EPB41L4A: variants seen among roughly 807,000 people sequenced by gnomAD.
EPB41L4A encodes the protein erythrocyte membrane protein band 4.1 like 4A.
In EPB41L4A, 100 loss-of-function variants were observed where a neutral mutation model predicts 108.6. That is an observed-to-expected ratio of 0.92 (90% CI 0.78 to 1.09). EPB41L4A has a LOEUF of 1.09. EPB41L4A is among the 50% of genes least tolerant of loss of function. The pLI, the probability that EPB41L4A is intolerant of heterozygous loss-of-function variation, is 0.00. For synonymous variants in EPB41L4A, 319 were observed against 289.0 expected (o/e 1.10, Z -1.05); for missense variants, 1,030 against 842.7 (o/e 1.22, Z -2.75).
At chr5:112,178,907 A>C (rs575848308) in intron 18 of EPB41L4A, among the ~76,000 whole-genome samples, 47 of 152,036 alleles carry the variant, frequency 3.1e-4, no homozygotes, top group African/African-American at 1.1e-3. Flanking sequence ...CAGTCAATGA[A>C]ACAGACAACA....
chr5:112,418,050 G>C (rs896207718), intron 1 of EPB41L4A, among the ~76,000 whole-genome samples: 1 of 149,672 alleles, frequency 6.7e-6, no homozygotes, highest in Non-Finnish European at 1.5e-5. Flanking sequence ...GAGCGGGGGC[G>C]GGGGGGCGGT....
intron 4 of EPB41L4A, among the ~76,000 whole-genome samples, chr5:112,267,403 T>A (rs1271733895): frequency 6.6e-6 from 1 of 152,258 alleles, no homozygotes; most frequent in Non-Finnish European, 1.5e-5. Flanking sequence ...ATGTGTTAGA[T>A]ATCAGACACC....
At chr5:112,157,099 T>C (rs1759676071) in intron 12 of EPB41L4A, among the ~76,000 whole-genome samples, 3 of 149,330 alleles carry the variant, frequency 2.0e-5, no homozygotes, top group South Asian at 4.2e-4. Context: ...GAGAGACAAA[T>C]AGACCAGTAG....
At chr5:112,265,922 G>A (rs1030639020) in intron 5 of EPB41L4A, among the ~76,000 whole-genome samples, 4 of 152,214 alleles carry the variant, frequency 2.6e-5, no homozygotes, top group African/African-American at 4.8e-5. Flanking sequence ...GGGAGAGGGT[G>A]TGGGGAGGAA....
intron 1 of EPB41L4A, among the ~76,000 whole-genome samples, chr5:112,408,721 G>A (rs976161751): frequency 3.6e-5 from 2 of 56,042 alleles, no homozygotes; most frequent in African/African-American, 1.8e-4. Context: ...AAAAAAAAGG[G>A]CCAGTAAGCA....
At chr5:112,372,957 C>A (rs1021082140) in intron 1 of EPB41L4A, among the ~76,000 whole-genome samples, 1 of 152,184 alleles carries the variant, frequency 6.6e-6, no homozygotes, top group Non-Finnish European at 1.5e-5. Context: ...AATTACTTAA[C>A]CCTTAAAATA....
intron 22 of EPB41L4A, 21 bp from the exon 23 acceptor site, chr5:112,165,139 G>A (rs1317253763): frequency 8.0e-7 from 1 of 1,246,994 alleles, no homozygotes; most frequent in South Asian, 1.4e-5. Flanking sequence ...TTTGAAAAAT[G>A]TAGAAAGATT....
chr5:112,255,929 T>C (rs1029707312), intron 9 of EPB41L4A, among the ~76,000 whole-genome samples: 1 of 152,124 alleles, frequency 6.6e-6, no homozygotes, highest in African/African-American at 2.4e-5. Flanking sequence ...CACCTGATGA[T>C]AGCTCTATAC....
At chr5:112,225,540 T>C (rs1230421287) in intron 12 of EPB41L4A, among the ~76,000 whole-genome samples, 2 of 152,198 alleles carry the variant, frequency 1.3e-5, no homozygotes, top group Non-Finnish European at 2.9e-5. Flanking sequence ...TTTTGAAAAG[T>C]GCTTGGTAAA....
chr5:112,387,267 G>C (rs182171059), intron 1 of EPB41L4A, among the ~76,000 whole-genome samples: 1,773 of 152,272 alleles, frequency 0.012, 26 homozygotes, highest in South Asian at 0.038. Context: ...CGGACCCTGT[G>C]CAAACCACCA....
intron 4 of EPB41L4A, among the ~76,000 whole-genome samples, chr5:112,271,761 G>T (rs1328408500): frequency 6.6e-6 from 1 of 152,234 alleles, no homozygotes; most frequent in African/African-American, 2.4e-5. Flanking sequence ...AGAGAGATCA[G>T]ATTTATTCTG....
intron 2 of EPB41L4A, among the ~76,000 whole-genome samples, chr5:112,286,372 A>C (rs973006909): frequency 2.0e-5 from 3 of 152,166 alleles, no homozygotes; most frequent in African/African-American, 7.2e-5. Context: ...CTTGCTTTAC[A>C]TTCATTAGCA....
chr5:112,199,491 T>C (rs17134229), intron 15 of EPB41L4A, among the ~76,000 whole-genome samples: 6 of 152,196 alleles, frequency 3.9e-5, no homozygotes, highest in African/African-American at 7.2e-5. Context: ...TTTTGCATTC[T>C]ATCTATACTA....
intron 1 of EPB41L4A, among the ~76,000 whole-genome samples, chr5:112,346,392 T>G (rs1757679926): frequency 6.6e-6 from 1 of 151,790 alleles, no homozygotes; most frequent in Non-Finnish European, 1.5e-5. Context: ...CCTGGCTAAT[T>G]TTTGTATTTT....
intron 1 of EPB41L4A, among the ~76,000 whole-genome samples, chr5:112,365,838 G>C (rs1759091092): frequency 6.6e-6 from 1 of 152,154 alleles, no homozygotes; most frequent in African/African-American, 2.4e-5. Flanking sequence ...CCCTCAATTT[G>C]AGTTTGTCTT....
In EPB41L4A at chr5:112,210,016, G is replaced by A. The variant is rs146668813; in HGVS notation, c.1088-34C>T. 1,453 of 1,260,964 alleles carry A rather than the reference G, an allele frequency of 1.2e-3. 11 individuals carry two copies. In the African/African-American group the frequency reaches 0.016, roughly 14 times the overall value. 78.1% of individuals were successfully genotyped at this position (1,260,964 alleles called of 1,614,324 possible). On this transcript the variant is annotated intron_variant, in intron 12 of 22. Coordinates refer to ENST00000261486, the MANE Select transcript of EPB41L4A (RefSeq NM_022140.5). ...GGAGGAGAAGGAAAGATGGAAGAGA[G>A]AGGAAACAGTGATAAGGAAATGAAA...
chr5:112,275,868 C>T (rs1430788870), intron 3 of EPB41L4A, among the ~76,000 whole-genome samples: 3 of 152,160 alleles, frequency 2.0e-5, no homozygotes, highest in African/African-American at 7.2e-5. Flanking sequence ...GGACATATAC[C>T]ATGCAAATGT....
chr5:112,157,293 T>C (rs986896660), intron 12 of EPB41L4A, among the ~76,000 whole-genome samples: 4 of 152,212 alleles, frequency 2.6e-5, no homozygotes, highest in African/African-American at 4.8e-5. Context: ...GGATTAATTA[T>C]TTTAAAATGA....
At chr5:112,419,604 C>G (rs950615823), upstream of EPB41L4A, 1 of 454,896 alleles carries the variant, frequency 2.2e-6, no homozygotes, top group South Asian at 1.6e-5. Context: ...GAGTATGAAG[C>G]GCTCGGCTTT....
Sources: gnomAD v4.1 joint callset for allele counts (sites outside exome capture counted in the v4.1 genomes callset) on GRCh38, gnomAD v4.1.1 for gene constraint, MANE v1.5 for transcripts, NCBI Gene and HGNC (gene_info 2026-07-23, HGNC 2026-07-21) for gene names.